The following CNNM2 variants were observed in gnomAD, a reference collection of about 807,000 sequenced individuals.
CNNM2 encodes the protein metal transporter CNNM2.
Under a neutral mutation model 66.9 loss-of-function variants are expected in CNNM2, and 12 were observed. The observed-to-expected ratio is 0.18, with a 90% CI of 0.11 to 0.29. The LOEUF is 0.29. Among genes scored for constraint, CNNM2 ranks in the 10% least tolerant of loss-of-function variants. The pLI is 1.00. For missense variants in CNNM2, 705 were observed against 1,167.7 expected, an observed-to-expected ratio of 0.60 and a Z score of 5.77; for synonymous variants, 557 against 501.8, an observed-to-expected ratio of 1.11 and a Z score of -1.47.
chr10:102,971,071 T>G, intron 1 of CNNM2, among the ~76,000 whole-genome samples: 1 of 151,746 alleles, frequency 6.6e-6, no homozygotes. Context: ...TGGTGGCACT[T>G]GCCTCTAGTC....
At chr10:102,990,062 A>C (rs916115973) in intron 1 of CNNM2, among the ~76,000 whole-genome samples, 12 of 151,412 alleles carry the variant, frequency 7.9e-5, no homozygotes, top group Non-Finnish European at 1.2e-4. Context: ...CTCATGCCTC[A>C]GCCTCCCAAG....
rs370000130 is a variant in CNNM2, at chr10:103,018,686, C to CTTTTTTTTTTT, written c.1622-31010_1622-31000dup. Among the ~76,000 whole-genome samples, 18 of 116,272 alleles carry CTTTTTTTTTTT rather than the reference C, an allele frequency of 1.5e-4. 1 individual carries two copies. Among genetic ancestry groups the CTTTTTTTTTTT allele is most frequent in the East Asian group, 2.4e-4 (1 of 4,160 alleles). The allele number at this position is 116,272 out of a possible 152,430, so 76.3% of individuals were successfully genotyped here. On this transcript the variant is annotated intron_variant, in intron 1 of 7. Coordinates refer to ENST00000369878, the MANE Select transcript of CNNM2 (RefSeq NM_017649.5). ...AGCAAGGTAAATATACTCTTCTTTC[C>CTTTTTTTTTTT]TTTTTTTTTTTTTTTTTTTTTGAGA... is the stretch of plus-strand genomic sequence containing the variant.
Position 103,014,056 on chromosome 10 carries a change from G to T in CNNM2, c.1622-35651G>T, listed in dbSNP as rs140264732. ...GTATTTTCTGACTGTATAAAATCTTGTTTTTCATTGGCCTGTTTATCTTTG... is the reference window on the plus strand; with the variant it reads ...GTATTTTCTGACTGTATAAAATCTTTTTTTTCATTGGCCTGTTTATCTTTG... On this transcript the variant is annotated intron_variant, in intron 1 of 7. Transcript: ENST00000369878. 7.1e-4 allele frequency among the ~76,000 whole-genome samples: 108 copies of T among 152,242 alleles called. 1 individual carries two copies. Among genetic ancestry groups the T allele is most frequent in the African/African-American group, 2.5e-3 (105 of 41,542 alleles).
In CNNM2 at chr10:103,050,541, A is replaced by G. The variant is rs562768485; in HGVS notation, c.1765+691A>G. ...AACAGAGTGAGAGTCCACCTCAAAA[A>G]AAAAAAAAAAAGTGAATGGGATTTG... On this transcript the variant is annotated intron_variant, in intron 2 of 7. Transcript: ENST00000369878. Among the ~76,000 whole-genome samples, 281 of 152,118 alleles carry G rather than the reference A, an allele frequency of 1.8e-3. 3 individuals are homozygous for G. Among genetic ancestry groups the G allele is most frequent in the Non-Finnish European group, 8.7e-4 (59 of 67,978 alleles).
chr10:102,957,991 C>T (rs1847108071), intron 1 of CNNM2, among the ~76,000 whole-genome samples: 1 of 152,196 alleles, frequency 6.6e-6, no homozygotes, highest in Non-Finnish European at 1.5e-5. Context: ...GGCTGGAGTG[C>T]AGTGGCACGA....
intron 1 of CNNM2, among the ~76,000 whole-genome samples, chr10:102,998,405 G>A: frequency 1.3e-5 from 2 of 152,244 alleles, no homozygotes; most frequent in Middle Eastern, 6.8e-3. Context: ...ATCAAATGCA[G>A]CTCAAATGTA....
chr10:103,073,960 G>A (rs1336399663), intron 6 of CNNM2, among the ~76,000 whole-genome samples: 6 of 151,184 alleles, frequency 4.0e-5, no homozygotes, highest in African/African-American at 9.7e-5. Context: ...CACTTTGTAC[G>A]TGATCTTATT....
intron 1 of CNNM2, among the ~76,000 whole-genome samples, chr10:102,978,350 G>A (rs138734780): frequency 2.6e-5 from 4 of 151,156 alleles, no homozygotes; most frequent in African/African-American, 9.7e-5. Context: ...ATTAATGGCC[G>A]TCCTGTCTTT....
chr10:102,964,080 T>G (rs1202687094), intron 1 of CNNM2, among the ~76,000 whole-genome samples: 1 of 152,198 alleles, frequency 6.6e-6, no homozygotes, highest in Non-Finnish European at 1.5e-5. Flanking sequence ...TTAGAGTGCC[T>G]TAATGGTTTT....
intron 1 of CNNM2, among the ~76,000 whole-genome samples, chr10:102,996,644 A>G (rs932282530): frequency 6.6e-6 from 1 of 152,228 alleles, no homozygotes; most frequent in African/African-American, 2.4e-5. Flanking sequence ...TGATTGCCCT[A>G]CTATATTCCA....
intron 1 of CNNM2, among the ~76,000 whole-genome samples, chr10:102,930,934 T>G (rs1846042810): frequency 6.6e-6 from 1 of 152,230 alleles, no homozygotes; most frequent in Non-Finnish European, 1.5e-5. Context: ...GTTTATCCAC[T>G]CATCAGTTGA....
chr10:102,938,434 G>A (rs531457279), intron 1 of CNNM2, among the ~76,000 whole-genome samples: 2 of 148,082 alleles, frequency 1.4e-5, no homozygotes, highest in African/African-American at 5.0e-5. Context: ...ACAGAGCAAC[G>A]CTCTGTCTCA....
chr10:102,957,510 T>G (rs1355320449), intron 1 of CNNM2, among the ~76,000 whole-genome samples: 1 of 152,180 alleles, frequency 6.6e-6, no homozygotes, highest in Admixed American at 6.5e-5. Flanking sequence ...ACTAGGTAAT[T>G]ACATTTTCAT....
chr10:102,934,223 T>C (rs1224859918), intron 1 of CNNM2, among the ~76,000 whole-genome samples: 2 of 151,812 alleles, frequency 1.3e-5, no homozygotes, highest in East Asian at 3.9e-4. Flanking sequence ...ACAAAAAATA[T>C]GCCTGGCTGG....
At chr10:103,007,195 C>G (rs748832061) in intron 1 of CNNM2, among the ~76,000 whole-genome samples, 36 of 152,062 alleles carry the variant, frequency 2.4e-4, no homozygotes, top group Non-Finnish European at 5.0e-4. Flanking sequence ...AGGGCCTGTA[C>G]GAACAGGGAG....
At chr10:102,993,488 T>C (rs1009995104) in intron 1 of CNNM2, among the ~76,000 whole-genome samples, 1 of 152,234 alleles carries the variant, frequency 6.6e-6, no homozygotes, top group African/African-American at 2.4e-5. Context: ...TGTATAACTT[T>C]TTCCAAAGAG....
chr10:102,952,832 GT>G (rs1846891407), intron 1 of CNNM2, among the ~76,000 whole-genome samples: 1 of 152,112 alleles, frequency 6.6e-6, no homozygotes, highest in Non-Finnish European at 1.5e-5. Context: ...CTAAAAAGTA[GT>G]TCTGCTTCAG....
rs566378596 is a variant in CNNM2 at position 103,089,102 on chromosome 10, C to A, written c.*11922C>A. On this transcript the variant is annotated 3_prime_UTR_variant, in exon 8 of 8. Coordinates refer to ENST00000369878, the MANE Select transcript of CNNM2 (RefSeq NM_017649.5). ...AAAGCAACGCAAGTAGAGCATACTT[C>A]TGTGCAAAGCCAGTGATAGAGAAGC... The A allele has an allele frequency of 4.0e-5, 9 of 226,758 alleles. No homozygotes were observed. The highest frequency in any genetic ancestry group is 7.0e-5 in the Non-Finnish European group (8 of 114,114). The allele number at this position is 226,758 out of a possible 1,614,324, so 14.0% of individuals were successfully genotyped here.
chr10:102,956,597 A>G (rs2134198158), intron 1 of CNNM2, among the ~76,000 whole-genome samples: 2 of 152,346 alleles, frequency 1.3e-5, no homozygotes, highest in Middle Eastern at 6.8e-3. Flanking sequence ...TAGACCGGAT[A>G]AAGAAAATGT....
Sources: gnomAD v4.1 joint callset for allele counts (sites outside exome capture counted in the v4.1 genomes callset) on GRCh38, gnomAD v4.1.1 for gene constraint, MANE v1.5 for transcripts, NCBI Gene and HGNC (gene_info 2026-07-23, HGNC 2026-07-21) for gene names.